The following SYT1 variants were observed in gnomAD, a reference collection of about 807,000 sequenced individuals.
The protein encoded by SYT1 is synaptotagmin-1.
SYT1 carries 8 observed loss-of-function variants against 44.8 expected under a neutral mutation model. That is an observed-to-expected ratio of 0.18 (90% CI 0.10 to 0.32). The LOEUF (loss-of-function observed/expected upper bound fraction) is 0.32. Among genes scored for constraint, SYT1 ranks in the 10% least tolerant of loss-of-function variants. The pLI, the probability that SYT1 is intolerant of heterozygous loss-of-function variation, is 1.00. For synonymous variants in SYT1, 154 were observed against 188.8 expected (o/e 0.82, Z 1.51); for missense variants, 286 against 509.3 (o/e 0.56, Z 4.22).
chr12:79,231,432 C>G (rs1057296158), intron 4 of SYT1, among the ~76,000 whole-genome samples: 3 of 152,124 alleles, frequency 2.0e-5, no homozygotes, highest in Non-Finnish European at 4.4e-5. Flanking sequence ...TTCAAAACCA[C>G]TTGAACCCTC....
At chr12:79,189,869 A>C (rs774875361) in intron 3 of SYT1, among the ~76,000 whole-genome samples, 9 of 152,300 alleles carry the variant, frequency 5.9e-5, no homozygotes, top group South Asian at 2.1e-4. Context: ...GTGCCACTGC[A>C]CTCCAGCCTG....
rs1254428356 is a variant in SYT1, at chr12:79,095,613, C to T, written c.-18+48251C>T. On this transcript the variant is annotated intron_variant, in intron 3 of 10. Transcript: ENST00000261205. ...TGAAGGAAAAAGAGACAAGGAGTGA[C>T]TCTTGCCACTCTTACTCAACTGGGC... is the stretch of plus-strand genomic sequence containing the variant. Among the ~76,000 whole-genome samples, 7 of 152,002 alleles carry T rather than the reference C, an allele frequency of 4.6e-5. No homozygotes were observed. In the South Asian group the frequency reaches 1.5e-3, roughly 32 times the overall value.
At chr12:79,367,900 T>A (rs572342518) in intron 9 of SYT1, among the ~76,000 whole-genome samples, 74 of 149,656 alleles carry the variant, frequency 4.9e-4, no homozygotes, top group South Asian at 2.3e-3. Context: ...TACCTTTTTT[T>A]AAAAAAAAAA....
At chr12:79,448,851 G>A in intron 10 of SYT1, 67 bp from the exon 11 acceptor site, 1 of 1,431,462 alleles carries the variant, frequency 7.0e-7, no homozygotes, top group Non-Finnish European at 9.8e-7. Flanking sequence ...AGCGCTCAAG[G>A]ACGCTTTATA....
intron 1 of SYT1, among the ~76,000 whole-genome samples, chr12:78,920,685 G>A (rs1463825504): frequency 4.6e-5 from 7 of 151,744 alleles, no homozygotes; most frequent in Admixed American, 6.6e-5. Context: ...AGTCTCAACC[G>A]GCAATTCAAA....
intron 2 of SYT1, among the ~76,000 whole-genome samples, chr12:79,021,783 G>A (rs1441061342): frequency 1.3e-5 from 2 of 151,734 alleles, no homozygotes; most frequent in Admixed American, 6.6e-5. Context: ...ATAATTTAGT[G>A]TAATTCTTTT....
intron 9 of SYT1, among the ~76,000 whole-genome samples, chr12:79,362,530 A>G (rs1248545341): frequency 6.6e-6 from 1 of 152,172 alleles, no homozygotes; most frequent in East Asian, 1.9e-4. Context: ...TGTGTACAAC[A>G]CACAGAGTTT....
At chr12:79,006,751 G>A (rs1254218841) in intron 2 of SYT1, among the ~76,000 whole-genome samples, 1 of 152,102 alleles carries the variant, frequency 6.6e-6, no homozygotes, top group Non-Finnish European at 1.5e-5. Flanking sequence ...TGCAATGGGG[G>A]AAAAGGGGAG....
At chr12:79,007,844 G>A (rs886499824) in intron 2 of SYT1, among the ~76,000 whole-genome samples, 1 of 152,002 alleles carries the variant, frequency 6.6e-6, no homozygotes, top group Non-Finnish European at 1.5e-5. Flanking sequence ...TAGATTCTGA[G>A]ATAGGAAATG....
intron 9 of SYT1, among the ~76,000 whole-genome samples, chr12:79,375,495 T>C (rs899386051): frequency 2.6e-5 from 4 of 152,298 alleles, no homozygotes; most frequent in African/African-American, 9.6e-5. Context: ...AGCAGGGAGT[T>C]TGTGCTGCAA....
At chr12:79,213,678 A>T (rs2062709724) in intron 3 of SYT1, among the ~76,000 whole-genome samples, 1 of 152,230 alleles carries the variant, frequency 6.6e-6, no homozygotes, top group Non-Finnish European at 1.5e-5. Context: ...TAATCCCAGC[A>T]CTTTGGGAGG....
intron 1 of SYT1, among the ~76,000 whole-genome samples, chr12:78,927,370 G>A (rs1877361700): frequency 6.6e-6 from 1 of 152,090 alleles, no homozygotes. Context: ...CTTTGGGTAA[G>A]ATTATTTCTA....
chr12:79,421,885 G>T (rs1869144897), intron 9 of SYT1, among the ~76,000 whole-genome samples: 1 of 151,848 alleles, frequency 6.6e-6, no homozygotes, highest in Non-Finnish European at 1.5e-5. Flanking sequence ...TATAAATGTG[G>T]TTATTCTTTC....
intron 10 of SYT1, among the ~76,000 whole-genome samples, chr12:79,445,123 G>A (rs143727535): frequency 2.1e-3 from 317 of 152,034 alleles, no homozygotes; most frequent in African/African-American, 6.5e-3. Flanking sequence ...CTACAACAAA[G>A]AACCTTCTAA....
At chr12:79,292,754 C>T (rs1332137749) in intron 6 of SYT1, among the ~76,000 whole-genome samples, 1 of 152,004 alleles carries the variant, frequency 6.6e-6, no homozygotes, top group African/African-American at 2.4e-5. Flanking sequence ...AAGGAGGTAA[C>T]AAAACGGACA....
At chr12:78,870,416 T>A (rs1873758844) in intron 1 of SYT1, among the ~76,000 whole-genome samples, 1 of 152,138 alleles carries the variant, frequency 6.6e-6, no homozygotes, top group Non-Finnish European at 1.5e-5. Flanking sequence ...GATATTTTTT[T>A]ATCAAAGGGT....
intron 6 of SYT1, among the ~76,000 whole-genome samples, chr12:79,295,192 T>A (rs1879822245): frequency 6.6e-6 from 1 of 152,152 alleles, no homozygotes; most frequent in Non-Finnish European, 1.5e-5. Flanking sequence ...TGGATCTAAA[T>A]CAGTCTGTTG....
intron 1 of SYT1, among the ~76,000 whole-genome samples, chr12:78,923,755 A>G (rs978250845): frequency 7.0e-6 from 1 of 143,236 alleles, no homozygotes; most frequent in Admixed American, 7.5e-5. Flanking sequence ...GTTTTCATGA[A>G]CAATGTGAGA....
rs1331602677 is a variant in SYT1, at chr12:79,275,772, G to T, written c.167-10015G>T. 2.6e-5 allele frequency among the ~76,000 whole-genome samples: 4 copies of T among 152,158 alleles called. No individual in the cohort carries two copies. The East Asian group carries it at 5.8e-4, about 22-fold the overall frequency. On this transcript the variant is annotated intron_variant, in intron 4 of 10. Coordinates refer to ENST00000261205, the MANE Select transcript of SYT1 (RefSeq NM_005639.3). ...TTAGGTGGCTTCTACTGGCCTGAAG[G>T]CTGAACTGTTCAACCCAGTGAAAAA...
Sources: gnomAD v4.1 joint callset for allele counts (sites outside exome capture counted in the v4.1 genomes callset) on GRCh38, gnomAD v4.1.1 for gene constraint, MANE v1.5 for transcripts, NCBI Gene and HGNC (gene_info 2026-07-23, HGNC 2026-07-21) for gene names.